The following KHDRBS3 variants were observed in gnomAD, a reference collection of about 807,000 sequenced individuals.
KHDRBS3 encodes the protein KH domain-containing, RNA-binding, signal transduction-associated protein 3.
In KHDRBS3, 23 loss-of-function variants were observed where a neutral mutation model predicts 45.6. The observed-to-expected ratio is 0.50, with a 90% CI of 0.36 to 0.72. KHDRBS3 has a LOEUF of 0.72. Ranked by LOEUF, KHDRBS3 falls within the 30% of genes least tolerant of loss-of-function variation. The pLI, the probability that KHDRBS3 is intolerant of heterozygous loss-of-function variation, is 0.00. For missense variants in KHDRBS3, 352 were observed against 424.8 expected, an observed-to-expected ratio of 0.83 and a Z score of 1.51; for synonymous variants, 162 against 156.5, an observed-to-expected ratio of 1.04 and a Z score of -0.26.
At chr8:135,603,721 C>T (rs1429190936) in intron 6 of KHDRBS3, among the ~76,000 whole-genome samples, 1 of 151,974 alleles carries the variant, frequency 6.6e-6, no homozygotes, top group Non-Finnish European at 1.5e-5. Context: ...AAAGACAGCA[C>T]CATCCCTTCA....
At chr8:135,539,438 C>T (rs985899693) in intron 2 of KHDRBS3, 1 of 152,266 alleles carries the variant, frequency 6.6e-6, no homozygotes, top group Non-Finnish European at 1.5e-5. Context: ...AGTGTGGTGG[C>T]TCCCTTGGTA....
intron 1 of KHDRBS3, among the ~76,000 whole-genome samples, chr8:135,461,110 TA>T (rs1273513292): frequency 6.6e-6 from 1 of 152,232 alleles, no homozygotes; most frequent in Non-Finnish European, 1.5e-5. Flanking sequence ...TTTATTTATT[TA>T]TTTTTTTGAG....
intron 1 of KHDRBS3, among the ~76,000 whole-genome samples, chr8:135,509,107 A>C (rs574522530): frequency 2.0e-4 from 30 of 152,302 alleles, no homozygotes; most frequent in Admixed American, 5.9e-4. Flanking sequence ...TACATTTATG[A>C]TGTTTTTATG....
intron 1 of KHDRBS3, 63 bp downstream of exon 1, chr8:135,458,017 C>T (rs1821204556): frequency 6.7e-7 from 1 of 1,502,792 alleles, no homozygotes; most frequent in South Asian, 1.3e-5. Flanking sequence ...AACGCGGGGG[C>T]CCAGGGGGCC....
intron 1 of KHDRBS3, among the ~76,000 whole-genome samples, chr8:135,514,792 G>A (rs1824486560): frequency 6.6e-6 from 1 of 152,062 alleles, no homozygotes. Context: ...TCTAACCTTT[G>A]CAAACTTCTT....
At chr8:135,579,967 G>A (rs775600078) in intron 5 of KHDRBS3, among the ~76,000 whole-genome samples, 1 of 152,146 alleles carries the variant, frequency 6.6e-6, no homozygotes, top group Non-Finnish European at 1.5e-5. Context: ...TTATGAGGAG[G>A]CCTTGTTCTT....
chr8:135,571,083 T>C (rs1443068415), intron 5 of KHDRBS3, among the ~76,000 whole-genome samples: 2 of 152,132 alleles, frequency 1.3e-5, no homozygotes, highest in African/African-American at 2.4e-5. Context: ...AGACAAGAAA[T>C]GCAACTAGGC....
intron 6 of KHDRBS3, among the ~76,000 whole-genome samples, chr8:135,604,799 A>T (rs886655677): frequency 6.6e-6 from 1 of 151,832 alleles, no homozygotes; most frequent in African/African-American, 2.4e-5. Context: ...ACTATCTTTT[A>T]TATTTACCTA....
intron 2 of KHDRBS3, among the ~76,000 whole-genome samples, chr8:135,530,784 G>A (rs78845832): frequency 2.0e-5 from 3 of 152,002 alleles, no homozygotes; most frequent in East Asian, 1.9e-4. Context: ...TTTTGTCTAC[G>A]CACTTCTCTC....
intron 6 of KHDRBS3, among the ~76,000 whole-genome samples, chr8:135,605,539 T>C (rs572126285): frequency 6.6e-6 from 1 of 152,112 alleles, no homozygotes; most frequent in South Asian, 2.1e-4. Context: ...ACTGTTCTTA[T>C]ACTTTAGTTG....
chr8:135,570,093 A>T (rs113044964), intron 5 of KHDRBS3, among the ~76,000 whole-genome samples: 89 of 152,296 alleles, frequency 5.8e-4, no homozygotes, highest in African/African-American at 1.9e-3. Flanking sequence ...ATATATGTAG[A>T]CTAGAAGGCA....
intron 1 of KHDRBS3, among the ~76,000 whole-genome samples, chr8:135,490,953 T>C (rs1271030178): frequency 6.6e-6 from 1 of 152,246 alleles, no homozygotes; most frequent in African/African-American, 2.4e-5. Context: ...GTTGGCATTA[T>C]TAAACATTAC....
intron 7 of KHDRBS3, among the ~76,000 whole-genome samples, chr8:135,629,448 C>G (rs1830505204): frequency 6.6e-6 from 1 of 152,158 alleles, no homozygotes; most frequent in African/African-American, 2.4e-5. Context: ...CTATCAGTGT[C>G]TTTATTGAGC....
chr8:135,548,857 G>T lies in KHDRBS3; in HGVS notation c.428G>T (p.Arg143Met). The change falls in exon 4 of 9, where the codon AGG (arginine) becomes ATG (methionine). Residue 143 changes from arginine to methionine, a missense_variant. Coordinates refer to ENST00000355849, the MANE Select transcript of KHDRBS3 (RefSeq NM_006558.3). ...GCCCCACCTGCAGAAGCTTATGCCAGGATGGGACATGCTTTGGAAGAAATC... is the reference window on the plus strand; with the variant it reads ...GCCCCACCTGCAGAAGCTTATGCCATGATGGGACATGCTTTGGAAGAAATC... Reference protein sequence around the residue: ...VFAPPAEAYARMGHALEEIKK... With the variant: ...VFAPPAEAYAMMGHALEEIKK... 1 of 1,600,892 alleles carries T rather than the reference G, an allele frequency of 6.2e-7. No individual in the cohort carries two copies. The highest frequency in any genetic ancestry group is 8.5e-7 in the Non-Finnish European group (1 of 1,173,760).
At chr8:135,612,220 C>T (rs1012738655) in intron 7 of KHDRBS3, among the ~76,000 whole-genome samples, 1 of 151,754 alleles carries the variant, frequency 6.6e-6, no homozygotes, top group African/African-American at 2.4e-5. Flanking sequence ...ATTACAGTTG[C>T]TGGGACTCAT....
At chr8:135,594,848 T>C (rs1002940491) in intron 6 of KHDRBS3, among the ~76,000 whole-genome samples, 1 of 152,184 alleles carries the variant, frequency 6.6e-6, no homozygotes, top group South Asian at 2.1e-4. Context: ...CTGTCTGTTA[T>C]GAGCACAGGC....
intron 1 of KHDRBS3, among the ~76,000 whole-genome samples, chr8:135,478,903 T>C (rs1378941294): frequency 2.0e-5 from 3 of 152,074 alleles, no homozygotes; most frequent in Non-Finnish European, 4.4e-5. Context: ...CTTAAGACAC[T>C]GGAGAGCAAA....
At chr8:135,635,372 T>C (rs1021427554) in intron 7 of KHDRBS3, among the ~76,000 whole-genome samples, 3 of 141,304 alleles carry the variant, frequency 2.1e-5, no homozygotes, top group African/African-American at 9.1e-5. Flanking sequence ...CAGGTAGTAG[T>C]GTTTGTTTGT....
chr8:135,548,651 A>G, intron 3 of KHDRBS3, 103 bp from the exon 4 acceptor site: 1 of 931,834 alleles, frequency 1.1e-6, no homozygotes, highest in Non-Finnish European at 1.5e-6. Flanking sequence ...TGCCAGATGG[A>G]TTGTTTTTAT....
Sources: gnomAD v4.1 joint callset for allele counts (sites outside exome capture counted in the v4.1 genomes callset) on GRCh38, gnomAD v4.1.1 for gene constraint, MANE v1.5 for transcripts, NCBI Gene and HGNC (gene_info 2026-07-23, HGNC 2026-07-21) for gene names.